Variants in AACS observed in about 807,000 individuals in gnomAD.
The protein encoded by AACS is acetoacetate-CoA ligase.
AACS carries 69 observed loss-of-function variants against 83.1 expected under a neutral mutation model. The observed-to-expected ratio is 0.83, with a 90% confidence interval of 0.68 to 1.01. AACS has a LOEUF of 1.01. AACS is among the 50% of genes least tolerant of loss of function. AACS has a pLI of 0.00. For missense variants in AACS, 866 were observed against 882.2 expected (o/e 0.98, Z 0.23); for synonymous variants, 333 against 343.4 (o/e 0.97, Z 0.33).
Position 125,124,993 on chromosome 12 carries a change from C to T in AACS, c.1278C>T (p.Ile426=), listed in dbSNP as rs1593000571. Residue 426 remains isoleucine, a synonymous_variant, in exon 12 of 18, where the codon ATC becomes ATT. Transcript: ENST00000316519. The stretch of plus-strand genomic sequence containing the variant: ...GCTACGAGTATGTCTACAGGTGCAT[C>T]AAGAGCAGCATCCTCCTGGGCTCCA... The part of the protein sequence containing the change: ...AQSYEYVYRC[I]KSSILLGSIS... The T allele has an allele frequency of 6.2e-7, 1 of 1,614,182 alleles. No individual in the cohort carries two copies. Among genetic ancestry groups the T allele is most frequent in the Non-Finnish European group, 8.5e-7 (1 of 1,180,038 alleles).
At chr12:125,104,966 G>A (rs1355258656) in intron 7 of AACS, among the ~76,000 whole-genome samples, 1 of 151,312 alleles carries the variant, frequency 6.6e-6, no homozygotes, top group Non-Finnish European at 1.5e-5. Context: ...GGGAAGTGGA[G>A]CGGGCACTTT....
rs751115886 is a variant in AACS, at chr12:125,065,700, C to T, written c.116C>T (p.Ala39Val). 20 of 1,539,352 alleles carry T rather than the reference C, an allele frequency of 1.3e-5. No individual in the cohort carries two copies. Among genetic ancestry groups the T allele is most frequent in the Non-Finnish European group, 1.7e-5 (19 of 1,142,340 alleles). Reference protein sequence around the residue: ...MDRFRAAVGAACGLALESYDD... With the variant: ...MDRFRAAVGAVCGLALESYDD... Reference sequence around the variant, plus strand: ...CGCTTCCGGGCGGCTGTGGGCGCCGCCTGCGGCCTGGCGCTGGGTGAGAGT... The same window carrying T: ...CGCTTCCGGGCGGCTGTGGGCGCCGTCTGCGGCCTGGCGCTGGGTGAGAGT... Residue 39 changes from alanine to valine, a missense_variant, in exon 1 of 18, where the codon GCC becomes GTC. Transcript: ENST00000316519.
chr12:125,126,990 A>G (rs1424610787), intron 12 of AACS: 1 of 151,896 alleles, frequency 6.6e-6, no homozygotes, highest in African/African-American at 2.4e-5. Flanking sequence ...TTTATACAAA[A>G]TTAGCTGGGC....
At chr12:125,133,461 C>T (rs542930980) in intron 14 of AACS, among the ~76,000 whole-genome samples, 1 of 152,332 alleles carries the variant, frequency 6.6e-6, no homozygotes, top group Admixed American at 6.5e-5. Context: ...GTCTCCTCAT[C>T]CCCTGGGTTT....
Position 125,118,693 on chromosome 12 carries a change from C to A in AACS, c.1049C>A (p.Ala350Asp), listed in dbSNP as rs774811788. ...WMVSLLATGA[A>D]MVLYDGSPLV... is the part of the protein sequence containing the mutation. Reference sequence around the variant, plus strand: ...GTGTCCCTTCTGGCCACAGGAGCGGCCATGGTCTTGTACGATGGCTCCCCC... The same window carrying A: ...GTGTCCCTTCTGGCCACAGGAGCGGACATGGTCTTGTACGATGGCTCCCCC... The change falls in exon 10 of 18, where the codon GCC (alanine) becomes GAC (aspartate). Residue 350 changes from alanine (A) to aspartate (D), a missense_variant. Transcript: ENST00000316519. 18 of 1,614,118 alleles carry A rather than the reference C, an allele frequency of 1.1e-5. No individual in the cohort carries two copies. The highest frequency in any genetic ancestry group is 1.5e-5 in the Non-Finnish European group (18 of 1,179,998).
intron 12 of AACS, chr12:125,126,025 TC>T (rs1365573502): frequency 6.6e-6 from 1 of 151,782 alleles, no homozygotes; most frequent in Non-Finnish European, 1.5e-5. Flanking sequence ...GGGTGCGATC[TC>T]AGCTCACTGC....
intron 12 of AACS, 66 bp downstream of exon 12, chr12:125,125,090 G>A (rs1274482445): frequency 1.2e-6 from 2 of 1,602,122 alleles, no homozygotes; most frequent in African/African-American, 2.7e-5. Flanking sequence ...GCACACCTCT[G>A]CCCAGTGCTT....
chr12:125,067,534 C>G (rs1395591421), intron 1 of AACS, among the ~76,000 whole-genome samples: 1 of 130,986 alleles, frequency 7.6e-6, no homozygotes, highest in Admixed American at 8.1e-5. Context: ...TGTAATCTGA[C>G]TATCTGGATT....
At chr12:125,084,183 G>A (rs187890431) in intron 3 of AACS, among the ~76,000 whole-genome samples, 147 of 151,650 alleles carry the variant, frequency 9.7e-4, no homozygotes, top group Admixed American at 4.7e-3. Flanking sequence ...CAAAAATTAG[G>A]TGCAGGTGCC....
chr12:125,086,329 G>A lies in AACS; in HGVS notation c.359-1G>A. The A allele has an allele frequency of 6.2e-7, 1 of 1,613,708 alleles. No homozygotes were observed. The highest frequency in any genetic ancestry group is 8.5e-7 in the Non-Finnish European group (1 of 1,179,748). ...ACAATTTACCCTTTTTCTCTTCCCA[G>A]GGGAAGGCAAAGAGGAAATTGTGAA... On this transcript the variant is annotated splice_acceptor_variant, in intron 3 of 17. Coordinates refer to ENST00000316519, the MANE Select transcript of AACS (RefSeq NM_023928.5). LOFTEE classifies it high-confidence loss of function.
intron 4 of AACS, among the ~76,000 whole-genome samples, chr12:125,086,776 C>T (rs750930204): frequency 6.6e-6 from 1 of 151,462 alleles, no homozygotes; most frequent in African/African-American, 2.4e-5. Context: ...GGGATGAAGG[C>T]GCATTCAGTA....
intron 3 of AACS, among the ~76,000 whole-genome samples, chr12:125,081,875 A>C (rs1377151476): frequency 2.6e-5 from 4 of 151,222 alleles, no homozygotes; most frequent in Non-Finnish European, 5.9e-5. Context: ...GAAAAAAAAA[A>C]CGAGTTTTTT....
At chr12:125,122,759 C>A (rs573290793) in intron 10 of AACS, 1 of 152,212 alleles carries the variant, frequency 6.6e-6, no homozygotes, top group African/African-American at 2.4e-5. Flanking sequence ...GCAGTGGCGA[C>A]CCTGGAGGGG....
intron 17 of AACS, chr12:125,141,789 C>A: frequency 3.3e-6 from 1 of 301,826 alleles, no homozygotes; most frequent in Non-Finnish European, 6.1e-6. Flanking sequence ...AGTTTCTCAA[C>A]AGCCGTGCCA....
At chr12:125,072,920 T>G (rs139919380) in intron 1 of AACS, among the ~76,000 whole-genome samples, 10 of 10,074 alleles carry the variant, frequency 9.9e-4, no homozygotes, top group African/African-American at 2.9e-3. Context: ...GTAACTTTTG[T>G]TTTTTTTTTT....
chr12:125,102,819 C>G, intron 6 of AACS, 26 bp downstream of exon 6: 1 of 1,605,384 alleles, frequency 6.2e-7, no homozygotes, highest in Non-Finnish European at 8.5e-7. Context: ...GGCTCCCAGC[C>G]GGCATGGCTG....
chr12:125,116,530 T>C (rs10846831), intron 9 of AACS, among the ~76,000 whole-genome samples: 56,657 of 151,830 alleles, frequency 0.37, 10,860 homozygotes, highest in East Asian at 0.45. Flanking sequence ...GTGGCGCGAT[T>C]TTGGCTCTCT....
intron 3 of AACS, among the ~76,000 whole-genome samples, chr12:125,083,777 C>T (rs1956260254): frequency 6.6e-6 from 1 of 152,026 alleles, no homozygotes; most frequent in Non-Finnish European, 1.5e-5. Flanking sequence ...CCTCAGCCTC[C>T]TGAGTAGCTG....
At chr12:125,105,540 C>T (rs1956815967) in intron 7 of AACS, 1 of 152,206 alleles carries the variant, frequency 6.6e-6, no homozygotes, top group Non-Finnish European at 1.5e-5. Context: ...GGTTTACCAG[C>T]CCCCTGGTTG....
Sources: gnomAD v4.1 joint callset for allele counts (sites outside exome capture counted in the v4.1 genomes callset) on GRCh38, gnomAD v4.1.1 for gene constraint, MANE v1.5 for transcripts, NCBI Gene and HGNC (gene_info 2026-07-23, HGNC 2026-07-21) for gene names.